The following EFR3B variants were observed in gnomAD, a reference collection of about 807,000 sequenced individuals.
EFR3B encodes protein EFR3 homolog B.
In EFR3B, 64 loss-of-function variants were observed where a neutral mutation model predicts 104.7. The ratio of observed to expected loss-of-function variants is 0.61; its 90% CI spans 0.50 to 0.75. The LOEUF (loss-of-function observed/expected upper bound fraction) is 0.75, where lower values mean the gene tolerates loss of function less well. EFR3B is among the 30% of genes least tolerant of loss of function. The pLI is 0.00. For synonymous variants in EFR3B, 385 were observed against 417.9 expected, an observed-to-expected ratio of 0.92 and a Z score of 0.96; for missense variants, 750 against 1,078.5, an observed-to-expected ratio of 0.70 and a Z score of 4.27.
intron 15 of EFR3B, 87 bp from the exon 16 acceptor site, chr2:25,138,972 A>G: frequency 6.7e-7 from 1 of 1,496,290 alleles, no homozygotes; most frequent in Non-Finnish European, 9.0e-7. Flanking sequence ...ATTTCTAAAG[A>G]AGATTGGGAA....
At chr2:25,127,997 A>T (rs1670213138) in intron 5 of EFR3B, among the ~76,000 whole-genome samples, 186 bp from the exon 6 acceptor site, 1 of 152,272 alleles carries the variant, frequency 6.6e-6, no homozygotes, top group African/African-American at 2.4e-5. Context: ...TTAAAAAGAC[A>T]TGGCTTCCTG....
rs562825630 is a variant in EFR3B, at chr2:25,118,127, G to A, written c.364-3546G>A. ...CCCGAGTAGCTGGGATTACAGGCGC[G>A]TACCGCCATGCCTGGCAAATTTTTT... On this transcript the variant is annotated intron_variant, in intron 4 of 22. Coordinates refer to ENST00000403714, the MANE Select transcript of EFR3B (RefSeq NM_014971.2). Among the ~76,000 whole-genome samples, 7 of 152,214 alleles carry A rather than the reference G, an allele frequency of 4.6e-5. No homozygotes were observed. In the East Asian group the frequency reaches 7.7e-4, roughly 17 times the overall value.
At position 25,061,516 on chromosome 2, in the gene EFR3B, C is replaced by T. The variant is rs113152652; in HGVS notation, c.7+19197C>T. On this transcript the variant is annotated intron_variant, in intron 1 of 22. Transcript: ENST00000403714. ...TTATTTACTTTTTTTTTTTCTGAGA[C>T]GGAGTCTCCCTCTGTTGCCCAGGCT... Among the ~76,000 whole-genome samples, 63 of 151,098 alleles carry T rather than the reference C, an allele frequency of 4.2e-4. 1 individual carries two copies. The highest frequency in any genetic ancestry group is 1.5e-3 in the African/African-American group (61 of 41,140).
intron 1 of EFR3B, among the ~76,000 whole-genome samples, chr2:25,087,621 C>T (rs911389353): frequency 2.0e-5 from 3 of 151,848 alleles, no homozygotes; most frequent in Admixed American, 1.3e-4. Flanking sequence ...TACAGGCACC[C>T]GCCACCATGC....
intron 3 of EFR3B, among the ~76,000 whole-genome samples, chr2:25,097,997 G>C (rs1227965079): frequency 2.0e-5 from 3 of 152,074 alleles, no homozygotes; most frequent in Admixed American, 2.0e-4. Flanking sequence ...TGAGGACCCT[G>C]GCCCTGGAGC....
chr2:25,114,540 A>G lies in EFR3B; in HGVS notation c.364-7133A>G, dbSNP rs1453766084. Among the ~76,000 whole-genome samples the G allele has an allele frequency of 5.3e-5, 8 of 152,196 alleles. No individual in the cohort carries two copies. The highest frequency in any genetic ancestry group is 1.7e-4 in the African/African-American group (7 of 41,452). On this transcript the variant is annotated intron_variant, in intron 4 of 22. Coordinates refer to ENST00000403714, the MANE Select transcript of EFR3B (RefSeq NM_014971.2). The surrounding 1 kb of genome is among the most constrained non-coding windows in gnomAD (Gnocchi z 4.0). ...ACAGAGCAAGAGTCCTGGCAGCCCG[A>G]GGGAATGGAATGGTCAACAGCCCGA...
chr2:25,120,730 G>A (rs187105111), intron 4 of EFR3B, among the ~76,000 whole-genome samples: 20 of 152,322 alleles, frequency 1.3e-4, no homozygotes, highest in Admixed American at 5.2e-4. Flanking sequence ...GTTCATGACT[G>A]TTGCTTCTCT....
chr2:25,068,333 T>A (rs986787227), intron 1 of EFR3B, among the ~76,000 whole-genome samples: 4 of 152,172 alleles, frequency 2.6e-5, no homozygotes, highest in African/African-American at 9.7e-5. Flanking sequence ...TCAAACAGAC[T>A]GTGATGAGCC....
chr2:25,125,686 C>A (rs112334057), intron 5 of EFR3B, among the ~76,000 whole-genome samples: 10 of 152,306 alleles, frequency 6.6e-5, no homozygotes, highest in Non-Finnish European at 1.5e-4. Flanking sequence ...CGGTGGCTCA[C>A]GCCTGTAATC....
chr2:25,136,485 A>C lies in EFR3B; in HGVS notation c.1485-38A>C. On this transcript the variant is annotated intron_variant, in intron 13 of 22. Coordinates refer to ENST00000403714, the MANE Select transcript of EFR3B (RefSeq NM_014971.2). This position sits in a 1 kb window ranked among gnomAD's most constrained non-coding sequence, Gnocchi z 4.0. ...CCCCGTGTGAGCTCAGGCTGGCCTC[A>C]TGCAAGGGCTAAGGAGGCCCTTTGC... The C allele has an allele frequency of 6.6e-7, 1 of 1,526,032 alleles. No homozygotes were observed. Among genetic ancestry groups the C allele is most frequent in the Non-Finnish European group, 8.9e-7 (1 of 1,124,426 alleles). The allele number at this position is 1,526,032 out of a possible 1,614,324, so 94.5% of individuals were successfully genotyped here.
In EFR3B at chr2:25,045,701, G is replaced by A. The variant is rs538155352; in HGVS notation, c.7+3382G>A. Among the ~76,000 whole-genome samples the A allele has an allele frequency of 2.4e-3, 370 of 152,124 alleles. 3 individuals are homozygous for A. The highest frequency in any genetic ancestry group is 4.0e-3 in the Non-Finnish European group (275 of 67,998). Reference sequence around the variant, plus strand: ...GGAGACTGAGGCAGGAGAATCACTTGAACCTGGGAGGCGGAGGTTGCAGTG... The same window carrying A: ...GGAGACTGAGGCAGGAGAATCACTTAAACCTGGGAGGCGGAGGTTGCAGTG... On this transcript the variant is annotated intron_variant, in intron 1 of 22. Transcript: ENST00000403714.
In EFR3B at chr2:25,114,289, T is replaced by C. The variant is rs1307713935; in HGVS notation, c.364-7384T>C. Among the ~76,000 whole-genome samples the C allele has an allele frequency of 6.6e-6, 1 of 152,080 alleles. No individual in the cohort carries two copies. Among genetic ancestry groups the C allele is most frequent in the East Asian group, 1.9e-4 (1 of 5,184 alleles). ...CCCAACAGGGACCCACGGACAGCGC[T>C]CCCTGACCAGGTGACCTAGCTGGGC... On this transcript the variant is annotated intron_variant, in intron 4 of 22. Coordinates refer to ENST00000403714, the MANE Select transcript of EFR3B (RefSeq NM_014971.2). This position sits in a 1 kb window ranked among gnomAD's most constrained non-coding sequence, Gnocchi z 4.0.
intron 4 of EFR3B, among the ~76,000 whole-genome samples, chr2:25,109,424 G>A (rs1669658943): frequency 1.3e-5 from 2 of 152,224 alleles, no homozygotes; most frequent in South Asian, 2.1e-4. Flanking sequence ...CTTGCTGGTG[G>A]AAATGTAAAA....
chr2:25,048,213 T>C (rs1003442739), intron 1 of EFR3B, among the ~76,000 whole-genome samples: 1 of 151,958 alleles, frequency 6.6e-6, no homozygotes, highest in Admixed American at 6.6e-5. Context: ...GGGGTCCCGC[T>C]ATATTGCCTA....
At chr2:25,084,211 T>A (rs72807668) in intron 1 of EFR3B, among the ~76,000 whole-genome samples, 38,577 of 151,682 alleles carry the variant, frequency 0.25, 5,194 homozygotes, top group Middle Eastern at 0.32. Flanking sequence ...CAGGTCTCAG[T>A]TAATTAATTA....
At chr2:25,124,826 G>A (rs1670121570) in intron 5 of EFR3B, among the ~76,000 whole-genome samples, 1 of 151,548 alleles carries the variant, frequency 6.6e-6, no homozygotes, top group Non-Finnish European at 1.5e-5. Flanking sequence ...GGAGGCTGAG[G>A]CAGGCAGATT....
At chr2:25,150,129 G>C (rs1366010215) in intron 20 of EFR3B, among the ~76,000 whole-genome samples, 1 of 151,966 alleles carries the variant, frequency 6.6e-6, no homozygotes, top group Non-Finnish European at 1.5e-5. Context: ...GTGAAACCCT[G>C]TCTCAACTGA....
chr2:25,106,786 G>C (rs1669576214), intron 4 of EFR3B, among the ~76,000 whole-genome samples: 1 of 152,272 alleles, frequency 6.6e-6, no homozygotes, highest in South Asian at 2.1e-4. Context: ...GTTTCACTGT[G>C]TTGGCCAGGC....
At chr2:25,124,284 G>A (rs1297268143) in intron 5 of EFR3B, among the ~76,000 whole-genome samples, 1 of 25,340 alleles carries the variant, frequency 3.9e-5, no homozygotes, top group Non-Finnish European at 6.6e-5. Context: ...GCAAGTGTGT[G>A]TGTGTGTGTG....
Sources: gnomAD v4.1 joint callset for allele counts (sites outside exome capture counted in the v4.1 genomes callset) on GRCh38, gnomAD v4.1.1 for gene constraint, Gnocchi (gnomAD v3.1) non-coding constraint, MANE v1.5 for transcripts, NCBI Gene and HGNC (gene_info 2026-07-23, HGNC 2026-07-21) for gene names.